ENTREP1: variants seen among roughly 807,000 people sequenced by gnomAD.
ENTREP1 encodes the protein endosomal transmembrane epsin interactor 1.
At chr9:69,386,043 C>A in the ENTREP1 span, 4 of 1,173,396 alleles carry the variant, frequency 3.4e-6, no homozygotes, top group Admixed American at 3.1e-5. Flanking sequence ...CAGGACCCTG[C>A]AGTTTAAGTG....
the ENTREP1 span, chr9:69,336,359 T>A: frequency 1.4e-6 from 1 of 735,610 alleles, no homozygotes; most frequent in Middle Eastern, 2.5e-4. Flanking sequence ...ATGCTTAAGC[T>A]TCCTTGTTCA....
chr9:69,346,519 A>C, the ENTREP1 span, among the ~76,000 whole-genome samples: 1 of 152,146 alleles, frequency 6.6e-6, no homozygotes, highest in Non-Finnish European at 1.5e-5. Flanking sequence ...ATATAAGATA[A>C]AGAAATTATG....
chr9:69,365,075 C>T, the ENTREP1 span, among the ~76,000 whole-genome samples: 1 of 152,114 alleles, frequency 6.6e-6, no homozygotes, highest in Admixed American at 6.5e-5. Context: ...TTAGGATTTT[C>T]TTTTTAAAAA....
chr9:69,365,085 ATAAGG>A, the ENTREP1 span, among the ~76,000 whole-genome samples: 1 of 152,218 alleles, frequency 6.6e-6, no homozygotes, highest in Non-Finnish European at 1.5e-5. Flanking sequence ...CTTTTTAAAA[ATAAGG>A]TAAGTATGTT....
At chr9:69,361,255 G>A in the ENTREP1 span, among the ~76,000 whole-genome samples, 56,488 of 151,976 alleles carry the variant, frequency 0.37, 10,768 homozygotes, top group Admixed American at 0.42. Context: ...CCAGTGTTCT[G>A]TAAAGTTTCC....
chr9:69,368,516 T>C, the ENTREP1 span, among the ~76,000 whole-genome samples: 1 of 152,156 alleles, frequency 6.6e-6, no homozygotes, highest in Non-Finnish European at 1.5e-5. Flanking sequence ...TTGATCGTGA[T>C]GTATATCTTT....
the ENTREP1 span, chr9:69,325,202 G>C: frequency 5.9e-6 from 6 of 1,025,296 alleles, no homozygotes; most frequent in Non-Finnish European, 7.0e-6. Flanking sequence ...CCTCGGCCTC[G>C]GAGCCCGTCT....
chr9:69,364,316 C>T, the ENTREP1 span, among the ~76,000 whole-genome samples: 2 of 151,874 alleles, frequency 1.3e-5, no homozygotes, highest in Admixed American at 1.3e-4. Context: ...GTGGGAAAGC[C>T]TGAATTTGAG....
chr9:69,383,678 A>G, the ENTREP1 span: 1 of 1,614,114 alleles, frequency 6.2e-7, no homozygotes, highest in Non-Finnish European at 8.5e-7. Context: ...ACGGAGCTCG[A>G]ATCAAAGGTG....
At chr9:69,348,649 C>T in the ENTREP1 span, among the ~76,000 whole-genome samples, 1 of 152,112 alleles carries the variant, frequency 6.6e-6, no homozygotes, top group Non-Finnish European at 1.5e-5. Flanking sequence ...TACTTTTTGT[C>T]TTCATAGATT....
At chr9:69,383,632 T>C in the ENTREP1 span, 1 of 1,614,016 alleles carries the variant, frequency 6.2e-7, no homozygotes, top group Non-Finnish European at 8.5e-7. Context: ...TTTCCTAGGA[T>C]GGTTGGTCCT....
At chr9:69,367,860 CACATATATATAAATATATATATACACAT>C in the ENTREP1 span, among the ~76,000 whole-genome samples, 11 of 79,512 alleles carry the variant, frequency 1.4e-4, no homozygotes, top group Admixed American at 2.9e-4. Flanking sequence ...AATATATACA[CACATATATATAAATATATATATACACAT>C]ATATATATAC....
the ENTREP1 span, chr9:69,382,050 C>T: frequency 6.6e-6 from 1 of 152,358 alleles, no homozygotes; most frequent in Non-Finnish European, 1.5e-5. Flanking sequence ...GACACAGCAG[C>T]GAAGAAATAC....
chr9:69,384,176 G>T, the ENTREP1 span: 1 of 578,920 alleles, frequency 1.7e-6, no homozygotes, highest in Non-Finnish European at 3.1e-6. Flanking sequence ...TGGACAACAT[G>T]GAGAGAGACC....
At chr9:69,344,118 A>T in the ENTREP1 span, among the ~76,000 whole-genome samples, 2 of 152,246 alleles carry the variant, frequency 1.3e-5, no homozygotes, top group African/African-American at 4.8e-5. Context: ...GACTACAGTG[A>T]TCAATTTCTG....
the ENTREP1 span, among the ~76,000 whole-genome samples, chr9:69,335,857 G>A: frequency 6.6e-6 from 1 of 152,366 alleles, no homozygotes; most frequent in South Asian, 2.1e-4. Context: ...CCTGACGTGC[G>A]CCTGTAGTCC....
the ENTREP1 span, among the ~76,000 whole-genome samples, chr9:69,339,263 T>G: frequency 6.6e-6 from 1 of 152,142 alleles, no homozygotes; most frequent in Non-Finnish European, 1.5e-5. Context: ...TCAAGTGATC[T>G]TCCCACCTCA....
the ENTREP1 span, chr9:69,388,324 C>CCTGGAGCAGTCCTCTTGTA: frequency 6.2e-7 from 1 of 1,614,160 alleles, no homozygotes; most frequent in Non-Finnish European, 8.5e-7. Flanking sequence ...TGGCGAGGTT[C>CCTGGAGCAGTCCTCTTGTA]CTGGAGCAGT....
the ENTREP1 span, among the ~76,000 whole-genome samples, chr9:69,384,791 C>T: frequency 8.5e-5 from 13 of 152,312 alleles, no homozygotes; most frequent in African/African-American, 2.9e-4. Context: ...GGTAATTTTT[C>T]AGCAGTACTA....
Sources: gnomAD v4.1 joint callset for allele counts (sites outside exome capture counted in the v4.1 genomes callset) on GRCh38, gnomAD v4.1.1 for gene constraint, MANE v1.5 for transcripts, NCBI Gene and HGNC (gene_info 2026-07-23, HGNC 2026-07-21) for gene names.